The following SP3 variants were observed in gnomAD, a reference collection of about 807,000 sequenced individuals.
SP3 encodes transcription factor Sp3.
SP3 carries 10 observed loss-of-function variants against 70.3 expected under a neutral mutation model. The observed-to-expected ratio is 0.14, with a 90% CI of 0.09 to 0.24. The LOEUF (loss-of-function observed/expected upper bound fraction) is 0.24. SP3 is among the 10% of genes least tolerant of loss of function. The pLI, the probability that SP3 is intolerant of heterozygous loss-of-function variation, is 1.00. For synonymous variants in SP3, 402 were observed against 333.5 expected, an observed-to-expected ratio of 1.21 and a Z score of -2.24; for missense variants, 825 against 914.6, an observed-to-expected ratio of 0.90 and a Z score of 1.26.
At position 173,965,326 on chromosome 2, in the gene SP3, A is replaced by T. The variant is rs1691260751; in HGVS notation, c.-155T>A. The T allele has an allele frequency of 1.1e-6, 1 of 875,180 alleles. No homozygotes were observed. The highest frequency in any genetic ancestry group is 1.8e-6 in the Non-Finnish European group (1 of 563,470). 54.2% of individuals were successfully genotyped at this position (875,180 alleles called of 1,614,324 possible). ...TTCCTATTTTGATTGACTGTGCGGGAAACACAAAAGGTGGAGCCTCCAGCC... is the reference window on the plus strand; with the variant it reads ...TTCCTATTTTGATTGACTGTGCGGGTAACACAAAAGGTGGAGCCTCCAGCC... On this transcript the variant is annotated 5_prime_UTR_variant, in exon 1 of 7. Coordinates refer to ENST00000310015, the MANE Select transcript of SP3 (RefSeq NM_003111.5).
chr2:173,920,020 T>TG (rs1689706815), intron 4 of SP3, among the ~76,000 whole-genome samples: 1 of 152,086 alleles, frequency 6.6e-6, no homozygotes, highest in South Asian at 2.1e-4. Context: ...GTTAAAACAA[T>TG]GAACATTAAC....
At chr2:173,922,806 T>A (rs905674695) in intron 4 of SP3, among the ~76,000 whole-genome samples, 1 of 152,178 alleles carries the variant, frequency 6.6e-6, no homozygotes, top group Admixed American at 6.5e-5. Context: ...CACAAAACCC[T>A]GCCTAGTATA....
chr2:173,921,366 G>A (rs543421406), intron 4 of SP3, among the ~76,000 whole-genome samples: 3 of 152,244 alleles, frequency 2.0e-5, no homozygotes, highest in Non-Finnish European at 4.4e-5. Context: ...ACTGTTCTAA[G>A]TTCTAAGGAT....
Position 173,954,752 on chromosome 2 carries a change from A to G in SP3, c.1639+121T>C, listed in dbSNP as rs1690822805. 5.7e-6 allele frequency: 5 copies of G among 875,726 alleles called. No homozygotes were observed. In the East Asian group the frequency reaches 1.2e-4, roughly 22 times the overall value. 54.2% of individuals were successfully genotyped at this position (875,726 alleles called of 1,614,324 possible). On this transcript the variant is annotated intron_variant, in intron 4 of 6. Transcript: ENST00000310015. The stretch of plus-strand genomic sequence containing the variant: ...TCTACTTTCATACAAACATATTTTC[A>G]TACAAACATTGATCATTAATTCTAA...
rs530272529 is a variant in SP3, at chr2:173,935,890, C to G, written c.1640-17105G>C. Among the ~76,000 whole-genome samples the G allele has an allele frequency of 4.9e-5, 7 of 141,922 alleles. No individual in the cohort carries two copies. The South Asian group carries it at 1.4e-3, about 29-fold the overall frequency. The allele number at this position is 141,922 out of a possible 152,430, so 93.1% of individuals were successfully genotyped here. On this transcript the variant is annotated intron_variant, in intron 4 of 6. Transcript: ENST00000310015. ...ATCTCTTGTATTCCTGATAGCTAAT[C>G]ACCAACGGATTCATCTCTTGTATTC...
At chr2:173,953,787 A>G (rs900311203) in intron 4 of SP3, among the ~76,000 whole-genome samples, 5 of 117,576 alleles carry the variant, frequency 4.3e-5, no homozygotes, top group Middle Eastern at 4.7e-3. Flanking sequence ...AACAAAACAA[A>G]AAAAAAAACA....
At chr2:173,913,674 T>C (rs1347107076) in intron 5 of SP3, 2 of 152,674 alleles carry the variant, frequency 1.3e-5, no homozygotes, top group East Asian at 1.9e-4. Context: ...TAATCAAAAA[T>C]ATATTTAAAC....
intron 4 of SP3, among the ~76,000 whole-genome samples, chr2:173,938,459 CA>C (rs747595137): frequency 0.041 from 1,894 of 46,388 alleles, 13 homozygotes; most frequent in African/African-American, 0.11. Context: ...AACTTTGCCT[CA>C]AAAAAAAAAA....
At chr2:173,960,483 C>T (rs999005983) in intron 3 of SP3, among the ~76,000 whole-genome samples, 2 of 152,136 alleles carry the variant, frequency 1.3e-5, no homozygotes, top group Admixed American at 6.5e-5. Context: ...ACTAAAAGAA[C>T]TCAGACTTCA....
intron 3 of SP3, chr2:173,963,400 G>C (rs1236802207): frequency 2.0e-5 from 3 of 152,274 alleles, no homozygotes; most frequent in Admixed American, 6.5e-5. Context: ...ATTGCCTCTA[G>C]TTGATACTAT....
intron 5 of SP3, chr2:173,914,450 G>A (rs1327192334): frequency 6.6e-6 from 1 of 152,012 alleles, no homozygotes; most frequent in Non-Finnish European, 1.5e-5. Flanking sequence ...ATATTTTAAT[G>A]TACTCACACT....
At chr2:173,947,098 T>C (rs1161937791) in intron 4 of SP3, among the ~76,000 whole-genome samples, 1 of 152,188 alleles carries the variant, frequency 6.6e-6, no homozygotes, top group Non-Finnish European at 1.5e-5. Context: ...CTCTGTAATG[T>C]CTGTGATTTT....
intron 3 of SP3, among the ~76,000 whole-genome samples, chr2:173,959,991 G>T (rs566633235): frequency 2.0e-5 from 3 of 152,040 alleles, no homozygotes; most frequent in Non-Finnish European, 4.4e-5. Flanking sequence ...GCAACATGGC[G>T]AAGCCCCATC....
rs74360515 is a variant in SP3 at position 173,949,596 on chromosome 2, C to T, written c.1639+5277G>A. 5.9e-5 allele frequency among the ~76,000 whole-genome samples: 9 copies of T among 152,046 alleles called. No individual in the cohort carries two copies. In the East Asian group the frequency reaches 1.2e-3, roughly 20 times the overall value. ...CACCTAAAAACACCTAAACAGTACCCGATAGAGTAGGAGCCCATAAGAGAT... is the reference window on the plus strand; with the variant it reads ...CACCTAAAAACACCTAAACAGTACCTGATAGAGTAGGAGCCCATAAGAGAT... On this transcript the variant is annotated intron_variant, in intron 4 of 6. Coordinates refer to ENST00000310015, the MANE Select transcript of SP3 (RefSeq NM_003111.5).
At chr2:173,961,925 T>C (rs1217021420) in intron 3 of SP3, among the ~76,000 whole-genome samples, 4 of 143,138 alleles carry the variant, frequency 2.8e-5, no homozygotes, top group East Asian at 2.0e-4. Context: ...ATCATAAATA[T>C]ATGGTTTGGG....
rs532476010 is a variant in SP3 at position 173,901,931 on chromosome 2, G to C, written c.*8010C>G. On this transcript the variant is annotated 3_prime_UTR_variant, in exon 7 of 7. Coordinates refer to ENST00000310015, the MANE Select transcript of SP3 (RefSeq NM_003111.5). ...TCGAACTGCTGACCTCAAGCAATCCGCTCGACTCAGCTTCCCAAAGTGCTG... is the reference window on the plus strand; with the variant it reads ...TCGAACTGCTGACCTCAAGCAATCCCCTCGACTCAGCTTCCCAAAGTGCTG... Among the ~76,000 whole-genome samples, 1 of 152,040 alleles carries C rather than the reference G, an allele frequency of 6.6e-6. No individual in the cohort carries two copies. Among genetic ancestry groups the C allele is most frequent in the African/African-American group, 2.4e-5 (1 of 41,406 alleles).
intron 1 of SP3, chr2:173,964,807 C>G (rs1312591021): frequency 2.1e-6 from 1 of 469,322 alleles, no homozygotes; most frequent in Non-Finnish European, 3.7e-6. Context: ...TGCCCCTGCC[C>G]CCTCTCCTCT....
At chr2:173,929,933 A>G (rs1397278551) in intron 4 of SP3, among the ~76,000 whole-genome samples, 3 of 152,158 alleles carry the variant, frequency 2.0e-5, no homozygotes, top group Non-Finnish European at 4.4e-5. Flanking sequence ...TCCAATTCCA[A>G]GCGCCAATGT....
intron 5 of SP3, chr2:173,914,303 T>A (rs1193970997): frequency 6.6e-6 from 1 of 151,786 alleles, no homozygotes; most frequent in Non-Finnish European, 1.5e-5. Flanking sequence ...TTTAGCCCCC[T>A]CCCCAACTCC....
Sources: gnomAD v4.1 joint callset for allele counts (sites outside exome capture counted in the v4.1 genomes callset) on GRCh38, gnomAD v4.1.1 for gene constraint, MANE v1.5 for transcripts, NCBI Gene and HGNC (gene_info 2026-07-23, HGNC 2026-07-21) for gene names.